The following RIN2 variants were observed in gnomAD, a reference collection of about 807,000 sequenced individuals.
The protein encoded by RIN2 is Ras and Rab interactor 2.
Under a neutral mutation model 78.0 loss-of-function variants are expected in RIN2, and 36 were observed. The ratio of observed to expected loss-of-function variants is 0.46; its 90% CI spans 0.35 to 0.61. The LOEUF is 0.61. Ranked by LOEUF, RIN2 falls within the 20% of genes least tolerant of loss-of-function variation. The pLI, the probability that RIN2 is intolerant of heterozygous loss-of-function variation, is 0.00. For missense variants in RIN2, 1,087 were observed against 1,159.7 expected (o/e 0.94, Z 0.91); for synonymous variants, 466 against 466.8 (o/e 1.00, Z 0.02).
intron 4 of RIN2, among the ~76,000 whole-genome samples, chr20:19,944,674 A>G (rs184581685): frequency 3.3e-5 from 5 of 151,956 alleles, no homozygotes; most frequent in Admixed American, 2.6e-4. Context: ...TAACACAAAA[A>G]TATCAAGAGA....
At chr20:19,875,787 C>A (rs1383950419) in intron 2 of RIN2, among the ~76,000 whole-genome samples, 1 of 152,062 alleles carries the variant, frequency 6.6e-6, no homozygotes, top group East Asian at 1.9e-4. Flanking sequence ...TGTGGGCCTG[C>A]AGGATGGAAT....
chr20:19,922,445 C>T (rs1429012647), intron 3 of RIN2, among the ~76,000 whole-genome samples: 1 of 152,098 alleles, frequency 6.6e-6, no homozygotes, highest in Admixed American at 6.5e-5. Context: ...GGCCACTGTG[C>T]AGCCTGATGT....
rs746911973 is a variant in RIN2, at chr20:20,000,685, A to G, written c.2437A>G (p.Ile813Val). ...AAAGACCCTCCTTGTGAGACCTTAC[A>G]TCACCACTGAGGATGTGTGTCAGAT... ...TGKTLLVRPY[I>V]TTEDVCQICA... Residue 813 changes from isoleucine (I) to valine (V), a missense_variant, in exon 13 of 13, where the codon ATC becomes GTC. Around this residue, in one of 8 missense-constraint regions of RIN2, gnomAD observed 160 missense variants for 179.4 expected, o/e 0.89. Transcript: ENST00000255006. 5 of 1,613,838 alleles carry G rather than the reference A, an allele frequency of 3.1e-6. No individual in the cohort carries two copies. In the East Asian group the frequency reaches 1.1e-4, roughly 36 times the overall value.
intron 7 of RIN2, among the ~76,000 whole-genome samples, chr20:19,966,571 G>A (rs1252224953): frequency 6.6e-6 from 1 of 151,920 alleles, no homozygotes; most frequent in African/African-American, 2.4e-5. Context: ...CAATCCGCCC[G>A]CCTCCGCCTC....
At chr20:19,861,276 C>G (rs1259155232) in intron 2 of RIN2, among the ~76,000 whole-genome samples, 4 of 152,148 alleles carry the variant, frequency 2.6e-5, no homozygotes, top group African/African-American at 9.7e-5. Context: ...CCTCCAACCT[C>G]TAGAGAAAAT....
chr20:19,828,218 G>A (rs2036152782), intron 2 of RIN2, among the ~76,000 whole-genome samples: 1 of 152,180 alleles, frequency 6.6e-6, no homozygotes, highest in Admixed American at 6.5e-5. Flanking sequence ...AAATTTATCA[G>A]CACAACTGAG....
At chr20:19,856,045 G>A (rs1227929121) in intron 2 of RIN2, among the ~76,000 whole-genome samples, 5 of 152,122 alleles carry the variant, frequency 3.3e-5, no homozygotes, top group Non-Finnish European at 7.3e-5. Flanking sequence ...TTGCGCTCCA[G>A]CCTGCGTGAC....
At chr20:19,913,452 T>C (rs754742125) in intron 3 of RIN2, among the ~76,000 whole-genome samples, 1 of 152,224 alleles carries the variant, frequency 6.6e-6, no homozygotes, top group Non-Finnish European at 1.5e-5. Flanking sequence ...CCAGTCACAT[T>C]TTAAACATTT....
rs374006351 is a variant in RIN2 at position 19,965,040 on chromosome 20, C to T, written c.536+16C>T. On this transcript the variant is annotated intron_variant, in intron 7 of 12. Transcript: ENST00000255006. The stretch of plus-strand genomic sequence containing the variant: ...GCATCAGCAGGTAAGGCCTCTTCCT[C>T]TCATATGGTTTCAAGGCCCTGTTTG... 1 of 1,603,774 alleles carries T rather than the reference C, an allele frequency of 6.2e-7. No individual in the cohort carries two copies. The highest frequency in any genetic ancestry group is 1.1e-5 in the South Asian group (1 of 90,928).
rs1021406804 is a variant in RIN2 at position 19,975,924 on chromosome 20, T to C, written c.1762+137T>C. 1.4e-5 allele frequency: 12 copies of C among 870,558 alleles called. No individual in the cohort carries two copies. In the Admixed American group the frequency reaches 2.2e-4, roughly 16 times the overall value. The allele number at this position is 870,558 out of a possible 1,614,324, so 53.9% of individuals were successfully genotyped here. On this transcript the variant is annotated intron_variant, in intron 9 of 12. Coordinates refer to ENST00000255006, the MANE Select transcript of RIN2 (RefSeq NM_018993.4). This position sits in a 1 kb window ranked among gnomAD's most constrained non-coding sequence, Gnocchi z 4.9. The stretch of plus-strand genomic sequence containing the variant: ...GCTCCACCTTCTCTCCCGGTTTGAA[T>C]GGAAAAATCAGTTTCTCAAAGTAGC...
At chr20:19,931,697 T>C (rs896163701) in intron 3 of RIN2, among the ~76,000 whole-genome samples, 3 of 144,402 alleles carry the variant, frequency 2.1e-5, no homozygotes, top group Non-Finnish European at 3.0e-5. Flanking sequence ...TATATAATGC[T>C]TCTCGATTTG....
At chr20:19,954,740 C>T (rs1394948814) in intron 4 of RIN2, among the ~76,000 whole-genome samples, 1 of 151,616 alleles carries the variant, frequency 6.6e-6, no homozygotes, top group Non-Finnish European at 1.5e-5. Flanking sequence ...GCCCCTCACC[C>T]CTGTGTCCCT....
intron 8 of RIN2, 31 bp from the exon 9 acceptor site, chr20:19,974,623 C>A: frequency 6.3e-7 from 1 of 1,595,126 alleles, no homozygotes; most frequent in South Asian, 1.1e-5. Flanking sequence ...ACCGTATTTA[C>A]ATTCTTGTGT....
In RIN2 at chr20:19,799,729, G is replaced by A. The variant is rs780189189; in HGVS notation, c.-55G>A. On this transcript the variant is annotated 5_prime_UTR_variant, in exon 2 of 13. Transcript: ENST00000255006. ...GCTGAACTGCAGTGGGAGAGGAGAA[G>A]AGATGCTGGCGTGAAGGGGTACGTA... is the stretch of plus-strand genomic sequence containing the variant. 1.3e-5 allele frequency: 2 copies of A among 152,274 alleles called. No individual in the cohort carries two copies. Among genetic ancestry groups the A allele is most frequent in the Non-Finnish European group, 2.9e-5 (2 of 68,066 alleles). The allele number at this position is 152,274 out of a possible 1,614,324, so 9.4% of individuals were successfully genotyped here.
chr20:19,795,595 G>A, intron 1 of RIN2, among the ~76,000 whole-genome samples: 1 of 152,144 alleles, frequency 6.6e-6, no homozygotes, highest in East Asian at 1.9e-4. Flanking sequence ...GTTAGAAGGG[G>A]TTCTAGGCTG....
chr20:19,944,739 T>G (rs1405764605), intron 4 of RIN2, among the ~76,000 whole-genome samples: 3 of 151,192 alleles, frequency 2.0e-5, no homozygotes, highest in African/African-American at 7.3e-5. Context: ...AATACCAGAG[T>G]CCAGGTTGAG....
intron 1 of RIN2, among the ~76,000 whole-genome samples, chr20:19,772,741 CT>C (rs1389601728): frequency 6.6e-6 from 1 of 152,198 alleles, no homozygotes; most frequent in African/African-American, 2.4e-5. Flanking sequence ...CCTCATCCCC[CT>C]GGTATGCATG....
chr20:19,819,809 C>T (rs1016638561), intron 2 of RIN2, among the ~76,000 whole-genome samples: 3 of 152,222 alleles, frequency 2.0e-5, no homozygotes, highest in Admixed American at 1.3e-4. Context: ...GCTGGGATTA[C>T]AGGCATGAGC....
chr20:19,950,899 T>C (rs1435944073), intron 4 of RIN2, among the ~76,000 whole-genome samples: 1 of 134,512 alleles, frequency 7.4e-6, no homozygotes, highest in Non-Finnish European at 1.5e-5. Context: ...TTTTTTTTTT[T>C]CTTTTTTTGG....
Sources: allele counts gnomAD v4.1 joint callset (sites outside exome capture counted in the v4.1 genomes callset), GRCh38; gene constraint gnomAD v4.1.1; regional missense constraint gnomAD v4.1.1; non-coding constraint Gnocchi (gnomAD v3.1); transcripts MANE v1.5; gene names NCBI Gene and HGNC (gene_info 2026-07-23, HGNC 2026-07-21).